The following SUCLG2 variants were observed in gnomAD, a reference collection of about 807,000 sequenced individuals.
The protein encoded by SUCLG2 is succinate--CoA ligase [GDP-forming] subunit beta, mitochondrial.
A neutral mutation model predicts 47.9 loss-of-function variants in SUCLG2; 42 were observed. That is an observed-to-expected ratio of 0.88 (90% CI 0.69 to 1.14). The LOEUF (loss-of-function observed/expected upper bound fraction) is 1.14. Ranked by LOEUF, SUCLG2 falls within the 50% of genes most tolerant of loss-of-function variation. SUCLG2 has a pLI of 0.00. For synonymous variants in SUCLG2, 195 were observed against 197.3 expected, an observed-to-expected ratio of 0.99 and a Z score of 0.10; for missense variants, 571 against 525.9, an observed-to-expected ratio of 1.09 and a Z score of -0.84.
At chr3:67,571,161 G>T (rs948910140) in intron 2 of SUCLG2, among the ~76,000 whole-genome samples, 1 of 152,064 alleles carries the variant, frequency 6.6e-6, no homozygotes, top group East Asian at 1.9e-4. Context: ...TAAACCTGAG[G>T]AAATTTTGCC....
At chr3:67,480,316 T>C (rs1240026955) in intron 9 of SUCLG2, among the ~76,000 whole-genome samples, 2 of 152,192 alleles carry the variant, frequency 1.3e-5, no homozygotes. Flanking sequence ...CATTCTCAAA[T>C]GCAAGCAAAC....
intron 9 of SUCLG2, among the ~76,000 whole-genome samples, chr3:67,459,931 G>A (rs1287959683): frequency 1.3e-5 from 2 of 152,078 alleles, no homozygotes; most frequent in African/African-American, 4.8e-5. Flanking sequence ...GAGGAGCAGG[G>A]AAAAGGGCTC....
intron 10 of SUCLG2, among the ~76,000 whole-genome samples, chr3:67,392,848 T>C (rs554529635): frequency 2.0e-5 from 3 of 152,058 alleles, no homozygotes; most frequent in South Asian, 2.1e-4. Flanking sequence ...GGGGTCTTGC[T>C]AAGTTGCCCA....
intron 9 of SUCLG2, among the ~76,000 whole-genome samples, chr3:67,437,665 C>A (rs1277774960): frequency 6.6e-6 from 1 of 151,614 alleles, no homozygotes; most frequent in African/African-American, 2.4e-5. Context: ...AAAGAAGAGG[C>A]TTTTATGATA....
chr3:67,522,454 C>A (rs1249770774), intron 4 of SUCLG2, among the ~76,000 whole-genome samples: 1 of 151,818 alleles, frequency 6.6e-6, no homozygotes, highest in Non-Finnish European at 1.5e-5. Flanking sequence ...AGATAAGTAT[C>A]CTAAAAGTGA....
chr3:67,420,761 A>T (rs887332553), intron 9 of SUCLG2, among the ~76,000 whole-genome samples: 2 of 152,246 alleles, frequency 1.3e-5, no homozygotes. Flanking sequence ...ACACACAAAG[A>T]CATACACCAT....
At chr3:67,603,757 A>G (rs1708471513) in intron 2 of SUCLG2, among the ~76,000 whole-genome samples, 1 of 152,248 alleles carries the variant, frequency 6.6e-6, no homozygotes, top group Non-Finnish European at 1.5e-5. Flanking sequence ...ATCTAAGTTT[A>G]TATACAAATA....
intron 10 of SUCLG2, among the ~76,000 whole-genome samples, chr3:67,387,049 C>G (rs1702275354): frequency 6.6e-6 from 1 of 152,066 alleles, no homozygotes; most frequent in Admixed American, 6.6e-5. Context: ...CTGTCTGCCT[C>G]ACATGTTTAG....
intron 9 of SUCLG2, among the ~76,000 whole-genome samples, chr3:67,475,717 T>C (rs61266458): frequency 0.22 from 32,657 of 149,850 alleles, 4,689 homozygotes; most frequent in East Asian, 0.48. Context: ...TTCCTTCCCC[T>C]CCTTTTTTTT....
At chr3:67,518,721 G>C (rs1388782743) in intron 5 of SUCLG2, among the ~76,000 whole-genome samples, 1 of 152,084 alleles carries the variant, frequency 6.6e-6, no homozygotes, top group East Asian at 1.9e-4. Context: ...TCATAGATAG[G>C]TTAAATATTA....
intron 2 of SUCLG2, among the ~76,000 whole-genome samples, chr3:67,589,891 C>T (rs1384600471): frequency 6.6e-6 from 1 of 152,216 alleles, no homozygotes; most frequent in Non-Finnish European, 1.5e-5. Flanking sequence ...AAATGGAAGC[C>T]AGGCCTTACA....
At chr3:67,437,458 T>C (rs140799332) in intron 9 of SUCLG2, among the ~76,000 whole-genome samples, 3 of 152,172 alleles carry the variant, frequency 2.0e-5, no homozygotes, top group African/African-American at 7.2e-5. Context: ...ACGTACCAGA[T>C]AGAAACAGTC....
At chr3:67,494,810 G>A (rs775103188) in intron 9 of SUCLG2, among the ~76,000 whole-genome samples, 27 of 152,116 alleles carry the variant, frequency 1.8e-4, no homozygotes, top group Admixed American at 5.2e-4. Context: ...AGTATCTACA[G>A]GTGAAACAAA....
At chr3:67,576,115 T>G (rs1707736072) in intron 2 of SUCLG2, among the ~76,000 whole-genome samples, 1 of 152,190 alleles carries the variant, frequency 6.6e-6, no homozygotes, top group South Asian at 2.1e-4. Flanking sequence ...CCTTGCTATT[T>G]CCACAGCAGA....
At chr3:67,575,672 C>T (rs1354789475) in intron 2 of SUCLG2, among the ~76,000 whole-genome samples, 1 of 152,088 alleles carries the variant, frequency 6.6e-6, no homozygotes, top group East Asian at 1.9e-4. Flanking sequence ...ATTAATGATA[C>T]ATAAACTGCA....
intron 2 of SUCLG2, among the ~76,000 whole-genome samples, chr3:67,536,832 C>A (rs1353504486): frequency 2.0e-5 from 3 of 152,172 alleles, no homozygotes; most frequent in Admixed American, 2.0e-4. Flanking sequence ...CTGCTTAGGG[C>A]TCACAGAAAA....
intron 1 of SUCLG2, among the ~76,000 whole-genome samples, chr3:67,621,249 A>G (rs1049214889): frequency 6.6e-6 from 1 of 152,214 alleles, no homozygotes; most frequent in Admixed American, 6.5e-5. Context: ...AGGTGGGGAC[A>G]GAAAGAAATG....
At chr3:67,398,758 C>T (rs1265958199) in intron 10 of SUCLG2, among the ~76,000 whole-genome samples, 1 of 152,268 alleles carries the variant, frequency 6.6e-6, no homozygotes, top group South Asian at 2.1e-4. Context: ...ATAGCAAAGC[C>T]TTGGAACCAA....
intron 2 of SUCLG2, among the ~76,000 whole-genome samples, chr3:67,595,569 C>G (rs1708274048): frequency 1.3e-5 from 2 of 152,156 alleles, no homozygotes; most frequent in Non-Finnish European, 1.5e-5. Context: ...GAACATGGCT[C>G]TGGACGCTGG....
Sources: allele counts gnomAD v4.1 joint callset (sites outside exome capture counted in the v4.1 genomes callset), GRCh38; gene constraint gnomAD v4.1.1; transcripts MANE v1.5; gene names NCBI Gene and HGNC (gene_info 2026-07-23, HGNC 2026-07-21).